Variants in MYO9B observed in about 807,000 individuals in gnomAD.
The protein encoded by MYO9B is myosin IXB, also known as unconventional myosin-IXb.
Under a neutral mutation model 229.5 loss-of-function variants are expected in MYO9B, and 71 were observed. That is an observed-to-expected ratio of 0.31 (90% CI 0.26 to 0.38). MYO9B has a LOEUF of 0.38. MYO9B is among the 10% of genes least tolerant of loss of function. The probability of loss-of-function intolerance (pLI) is 1.00; values close to 1 mark genes in which losing one functional copy is unlikely to be tolerated. For synonymous variants in MYO9B, 1,185 were observed against 1,235.8 expected (o/e 0.96, Z 0.86); for missense variants, 2,255 against 2,920.5 (o/e 0.77, Z 5.25).
At chr19:17,175,539 A>C in intron 13 of MYO9B, 124 bp from the exon 14 acceptor site, 1 of 648,000 alleles carries the variant, frequency 1.5e-6, no homozygotes, top group Non-Finnish European at 2.5e-6. Context: ...AGATCGCGCC[A>C]CTGTGCTCCA....
At chr19:17,084,511 G>C (rs1222614112) in intron 1 of MYO9B, among the ~76,000 whole-genome samples, 1 of 151,900 alleles carries the variant, frequency 6.6e-6, no homozygotes, top group Non-Finnish European at 1.5e-5. Context: ...GTGTGGACCA[G>C]CATTTCCAGC....
At chr19:17,137,105 A>T (rs956385716) in intron 2 of MYO9B, among the ~76,000 whole-genome samples, 4 of 151,950 alleles carry the variant, frequency 2.6e-5, no homozygotes, top group African/African-American at 9.7e-5. Context: ...GCGCGTGCCT[A>T]TAATCCCAGC....
Position 17,192,730 on chromosome 19 carries a change from A to T in MYO9B, c.2812-16A>T, listed in dbSNP as rs1303673358. ...GGGGCAGTGCAGCTGACCCCACCTG[A>T]CCCCGTGCCCACCAGGTCTTCCTGA... is the stretch of plus-strand genomic sequence containing the variant. On this transcript the variant is annotated splice_polypyrimidine_tract_variant and intron_variant, in intron 20 of 39. Transcript: ENST00000682292. The T allele has an allele frequency of 2.6e-6, 4 of 1,510,986 alleles. No individual in the cohort carries two copies. The highest frequency in any genetic ancestry group is 2.0e-5 in the Admixed American group (1 of 49,360). 93.6% of individuals were successfully genotyped at this position (1,510,986 alleles called of 1,614,324 possible). A position where few individuals can be genotyped will look rare whatever the true frequency, so the allele number is the denominator to read the frequency against.
Position 17,112,480 on chromosome 19 carries a change from A to G in MYO9B, c.840+9923A>G, listed in dbSNP as rs892274683. Among the ~76,000 whole-genome samples the G allele has an allele frequency of 7.2e-5, 11 of 152,264 alleles. No homozygotes were observed. In the South Asian group the frequency reaches 2.1e-3, roughly 29 times the overall value. ...GGCGGGGGCCCTGGACTCGGGCAGG[A>G]GCGTTTGCACGTGGCTTCCCAAGTG... On this transcript the variant is annotated intron_variant, in intron 2 of 39. Coordinates refer to ENST00000682292, the MANE Select transcript of MYO9B (RefSeq NM_004145.4).
intron 4 of MYO9B, among the ~76,000 whole-genome samples, chr19:17,153,169 T>G (rs1024976884): frequency 4.7e-4 from 70 of 149,222 alleles, no homozygotes; most frequent in Non-Finnish European, 8.5e-4. Flanking sequence ...TTTTTTGGTT[T>G]GTTTGTTTGT....
intron 1 of MYO9B, among the ~76,000 whole-genome samples, chr19:17,094,847 TGA>T (rs1314756686): frequency 2.0e-5 from 3 of 151,552 alleles, no homozygotes; most frequent in Non-Finnish European, 4.4e-5. Flanking sequence ...GAGGCTGAGG[TGA>T]GAGGTTTGCT....
At chr19:17,100,788 C>T (rs142713138) in intron 1 of MYO9B, among the ~76,000 whole-genome samples, 1 of 152,132 alleles carries the variant, frequency 6.6e-6, no homozygotes, top group Non-Finnish European at 1.5e-5. Flanking sequence ...CAACCACACT[C>T]TAGGCCATTC....
At chr19:17,108,107 G>T (rs1209028584) in intron 2 of MYO9B, among the ~76,000 whole-genome samples, 1 of 152,168 alleles carries the variant, frequency 6.6e-6, no homozygotes, top group Non-Finnish European at 1.5e-5. Flanking sequence ...CTCCACGCCT[G>T]CACAGTCTCC....
intron 21 of MYO9B, among the ~76,000 whole-genome samples, chr19:17,194,075 G>A (rs1455235543): frequency 1.3e-5 from 2 of 152,038 alleles, no homozygotes; most frequent in African/African-American, 2.4e-5. Context: ...GGGAGGCTGA[G>A]ACACAAGAAT....
At chr19:17,153,067 G>A (rs1055282911) in intron 4 of MYO9B, among the ~76,000 whole-genome samples, 2 of 152,134 alleles carry the variant, frequency 1.3e-5, no homozygotes, top group Admixed American at 6.6e-5. Context: ...GCCTGAGCCC[G>A]GGAGGTTGAG....
At chr19:17,097,297 G>T (rs999851236) in intron 1 of MYO9B, among the ~76,000 whole-genome samples, 1 of 150,928 alleles carries the variant, frequency 6.6e-6, no homozygotes, top group Non-Finnish European at 1.5e-5. Flanking sequence ...CTCTAGCCTG[G>T]GTGATAAAGC....
Position 17,202,236 on chromosome 19 carries a change from A to C in MYO9B, c.4769A>C (p.Asn1590Thr). 6.2e-7 allele frequency: 1 copy of C among 1,608,080 alleles called. No homozygotes were observed. Among genetic ancestry groups the C allele is most frequent in the Non-Finnish European group, 8.5e-7 (1 of 1,177,638 alleles). ...CAGAAGGACACCAACCTGGTCCTCAACCTCTTCCAGTCACTGCTAGATGAG... is the reference window on the plus strand; with the variant it reads ...CAGAAGGACACCAACCTGGTCCTCACCCTCTTCCAGTCACTGCTAGATGAG... Reference protein sequence around the residue: ...RGQKDTNLVLNLFQSLLDEFT... With the variant: ...RGQKDTNLVLTLFQSLLDEFT... Residue 1590 changes from asparagine (N) to threonine (T), a missense_variant, in exon 28 of 40, where the codon AAC becomes ACC. Physicochemically the swap from Asn to Thr is moderately conservative, Grantham distance 65. Around this residue, in one of 7 missense-constraint regions of MYO9B, gnomAD observed 416 missense variants for 605.5 expected, o/e 0.69. Coordinates refer to ENST00000682292, the MANE Select transcript of MYO9B (RefSeq NM_004145.4).
chr19:17,165,878 G>A (rs1189500283), intron 10 of MYO9B, among the ~76,000 whole-genome samples: 6 of 152,224 alleles, frequency 3.9e-5, no homozygotes, highest in South Asian at 2.1e-4. Flanking sequence ...CCCACAAATT[G>A]TTTTTATAAA....
chr19:17,143,693 C>CG (rs35344137), intron 2 of MYO9B, among the ~76,000 whole-genome samples: 20 of 151,854 alleles, frequency 1.3e-4, no homozygotes, highest in African/African-American at 4.6e-4. Context: ...GAGGCCGGGG[C>CG]GGGCAGATCA....
At chr19:17,137,494 C>G (rs748293652) in intron 2 of MYO9B, among the ~76,000 whole-genome samples, 2 of 152,118 alleles carry the variant, frequency 1.3e-5, no homozygotes, top group African/African-American at 2.4e-5. Context: ...TCCCAGACCC[C>G]CTTCTCTGTA....
At chr19:17,152,303 C>A (rs903125897) in intron 3 of MYO9B, among the ~76,000 whole-genome samples, 4 of 152,064 alleles carry the variant, frequency 2.6e-5, no homozygotes, top group African/African-American at 9.7e-5. Context: ...CCTGTAATCC[C>A]GCACTTTGGG....
intron 2 of MYO9B, among the ~76,000 whole-genome samples, chr19:17,120,523 T>G (rs1328031181): frequency 6.6e-6 from 1 of 151,122 alleles, no homozygotes; most frequent in African/African-American, 2.4e-5. Flanking sequence ...TAACCCCAGC[T>G]ACTCAGGAGG....
At chr19:17,190,637 C>CAAA (rs576678289) in intron 19 of MYO9B, among the ~76,000 whole-genome samples, 6 of 108,912 alleles carry the variant, frequency 5.5e-5, no homozygotes, top group African/African-American at 6.4e-5. Context: ...GACCCCGTCT[C>CAAA]AAAAAAAAAA....
At chr19:17,152,788 C>T (rs1026369700) in intron 4 of MYO9B, 82 bp downstream of exon 4, 43 of 1,281,890 alleles carry the variant, frequency 3.4e-5, no homozygotes, top group African/African-American at 4.5e-5. Context: ...GCAAAGCAAA[C>T]GTCCTGAGGT....
Sources: gnomAD v4.1 joint callset for allele counts (sites outside exome capture counted in the v4.1 genomes callset) on GRCh38, gnomAD v4.1.1 for gene constraint, gnomAD v4.1.1 regional missense constraint, MANE v1.5 for transcripts, NCBI Gene and HGNC (gene_info 2026-07-23, HGNC 2026-07-21) for gene names.